CSTPP1: variants seen among roughly 807,000 people sequenced by gnomAD.
CSTPP1 encodes UPF0705 protein C11orf49.
the CSTPP1 span, among the ~76,000 whole-genome samples, chr11:47,153,088 C>T: frequency 6.6e-6 from 1 of 152,244 alleles, no homozygotes; most frequent in Non-Finnish European, 1.5e-5. Context: ...CCCCAGTCCT[C>T]TCTAGCTGCC....
the CSTPP1 span, among the ~76,000 whole-genome samples, chr11:47,032,811 G>A: frequency 1.3e-5 from 2 of 151,842 alleles, no homozygotes; most frequent in Non-Finnish European, 2.9e-5. Context: ...CAACATGAGG[G>A]TTACAGGTGC....
At chr11:47,075,814 A>G in the CSTPP1 span, among the ~76,000 whole-genome samples, 370 of 148,612 alleles carry the variant, frequency 2.5e-3, 5 homozygotes, top group African/African-American at 8.9e-3. Context: ...GCTACTCAGG[A>G]GGCTGAGGCA....
the CSTPP1 span, among the ~76,000 whole-genome samples, chr11:47,097,253 G>C: frequency 1.4e-4 from 17 of 121,974 alleles, no homozygotes; most frequent in African/African-American, 4.5e-4. Context: ...TGCCCGGCCA[G>C]CCGCCCCGTC....
the CSTPP1 span, among the ~76,000 whole-genome samples, chr11:47,032,520 A>G: frequency 5.3e-5 from 8 of 152,316 alleles, no homozygotes; most frequent in East Asian, 1.3e-3. Context: ...TTTCATCTTA[A>G]TTATATCTTG....
the CSTPP1 span, among the ~76,000 whole-genome samples, chr11:47,086,363 G>T: frequency 1.6e-4 from 24 of 151,736 alleles, no homozygotes; most frequent in Admixed American, 3.3e-4. Context: ...CCAAGATTGC[G>T]CCACTGCACT....
At chr11:46,969,821 G>C in the CSTPP1 span, among the ~76,000 whole-genome samples, 1 of 152,132 alleles carries the variant, frequency 6.6e-6, no homozygotes, top group Non-Finnish European at 1.5e-5. Context: ...CTAGAGTGCA[G>C]TGGCATGATC....
chr11:47,122,731 C>CTGT, the CSTPP1 span, among the ~76,000 whole-genome samples: 1 of 152,084 alleles, frequency 6.6e-6, no homozygotes, highest in South Asian at 2.1e-4. Flanking sequence ...AGGTGTGCAC[C>CTGT]ACTGTGCCTG....
chr11:47,052,530 C>T, the CSTPP1 span: 1 of 1,612,232 alleles, frequency 6.2e-7, no homozygotes, highest in South Asian at 1.1e-5. Context: ...TAAGTCTTCC[C>T]AAATTCTTTT....
the CSTPP1 span, among the ~76,000 whole-genome samples, chr11:47,112,206 C>G: frequency 4.6e-5 from 7 of 152,228 alleles, no homozygotes; most frequent in African/African-American, 1.7e-4. Flanking sequence ...ATTGAACCAC[C>G]AGTACCACCT....
At chr11:47,073,648 A>G in the CSTPP1 span, among the ~76,000 whole-genome samples, 1 of 152,236 alleles carries the variant, frequency 6.6e-6, no homozygotes, top group Non-Finnish European at 1.5e-5. Flanking sequence ...CATGAGCGCT[A>G]AAGTGATAAT....
chr11:47,060,635 T>C, the CSTPP1 span, among the ~76,000 whole-genome samples: 2 of 152,040 alleles, frequency 1.3e-5, no homozygotes, highest in Admixed American at 6.6e-5. Flanking sequence ...ACAATGGACT[T>C]TGGGGACCCG....
the CSTPP1 span, among the ~76,000 whole-genome samples, chr11:47,129,881 T>C: frequency 6.6e-6 from 1 of 152,254 alleles, no homozygotes; most frequent in African/African-American, 2.4e-5. Flanking sequence ...TTTAATACTT[T>C]GCCTAGAACA....
chr11:46,947,310 TAC>T, the CSTPP1 span, among the ~76,000 whole-genome samples: 1 of 152,230 alleles, frequency 6.6e-6, no homozygotes, highest in Non-Finnish European at 1.5e-5. Context: ...GGATCACCCT[TAC>T]ACTACTTCCC....
chr11:47,059,385 G>A, the CSTPP1 span, among the ~76,000 whole-genome samples: 2 of 152,238 alleles, frequency 1.3e-5, no homozygotes, highest in African/African-American at 2.4e-5. Flanking sequence ...CCTGAGTGGT[G>A]TAGAAATAGT....
chr11:47,143,303 T>TAGAG, the CSTPP1 span, among the ~76,000 whole-genome samples: 1 of 152,190 alleles, frequency 6.6e-6, no homozygotes, highest in Non-Finnish European at 1.5e-5. Flanking sequence ...ATGGAGGTGG[T>TAGAG]AGAGACTTCA....
the CSTPP1 span, among the ~76,000 whole-genome samples, chr11:47,015,575 T>C: frequency 6.6e-6 from 1 of 152,062 alleles, no homozygotes; most frequent in Admixed American, 6.5e-5. Context: ...CTACCAAGCA[T>C]ATTAGGAAGA....
chr11:47,143,432 T>A, the CSTPP1 span, among the ~76,000 whole-genome samples: 1 of 152,196 alleles, frequency 6.6e-6, no homozygotes, highest in Non-Finnish European at 1.5e-5. Flanking sequence ...TCTGTGATGA[T>A]GTGTGCGTAA....
the CSTPP1 span, among the ~76,000 whole-genome samples, chr11:46,996,359 A>T: frequency 4.5e-3 from 674 of 150,914 alleles, 6 homozygotes; most frequent in South Asian, 0.038. Context: ...GCTGGAGTGC[A>T]GTGGTGCAAT....
At chr11:46,961,942 G>T in the CSTPP1 span, among the ~76,000 whole-genome samples, 1 of 152,160 alleles carries the variant, frequency 6.6e-6, no homozygotes, top group South Asian at 2.1e-4. Flanking sequence ...CAGCATGGCT[G>T]GGGAGGCCTC....
Sources: allele counts gnomAD v4.1 joint callset (sites outside exome capture counted in the v4.1 genomes callset), GRCh38; gene constraint gnomAD v4.1.1; transcripts MANE v1.5; gene names NCBI Gene and HGNC (gene_info 2026-07-23, HGNC 2026-07-21).